PPP1R12B: variants seen among roughly 807,000 people sequenced by gnomAD.
PPP1R12B encodes the protein myosin phosphatase target subunit 2.
In PPP1R12B, 76 loss-of-function variants were observed where a neutral mutation model predicts 126.1. The ratio of observed to expected loss-of-function variants is 0.60; its 90% CI spans 0.50 to 0.73. PPP1R12B has a LOEUF of 0.73. Among genes scored for constraint, PPP1R12B ranks in the 30% least tolerant of loss-of-function variants. The pLI is 0.00. For missense variants in PPP1R12B, 1,052 were observed against 1,205.1 expected, an observed-to-expected ratio of 0.87 and a Z score of 1.88; for synonymous variants, 356 against 434.7, an observed-to-expected ratio of 0.82 and a Z score of 2.25.
rs1679408889 is a variant in PPP1R12B, at chr1:202,495,319, A to G, written c.2172A>G (p.Pro724=). Residue 724 remains proline (P), a synonymous_variant, in exon 16 of 24, where the codon CCA becomes CCG. Coordinates refer to ENST00000608999, the MANE Select transcript of PPP1R12B (RefSeq NM_002481.4). ...CTATCTGTCATCGCCTGAGGTGCCC[A>G]GCTCAGCCAGACAAACCCACCACGC... ...EEPICHRLRC[P]AQPDKPTTPA... 7 of 1,577,514 alleles carry G rather than the reference A, an allele frequency of 4.4e-6. No homozygotes were observed. The highest frequency in any genetic ancestry group is 6.0e-6 in the Non-Finnish European group (7 of 1,164,708).
At chr1:202,366,695 T>A (rs1659301327) in intron 1 of PPP1R12B, among the ~76,000 whole-genome samples, 1 of 152,130 alleles carries the variant, frequency 6.6e-6, no homozygotes, top group Non-Finnish European at 1.5e-5. Context: ...CCAGATGTAT[T>A]AATAATGATG....
chr1:202,515,227 A>G (rs901696115), intron 18 of PPP1R12B, among the ~76,000 whole-genome samples: 13 of 152,188 alleles, frequency 8.5e-5, no homozygotes, highest in African/African-American at 2.7e-4. Flanking sequence ...AATCTATGCA[A>G]CAAACCCCTG....
intron 1 of PPP1R12B, among the ~76,000 whole-genome samples, chr1:202,384,764 T>C (rs934641675): frequency 3.3e-5 from 5 of 152,248 alleles, no homozygotes; most frequent in African/African-American, 1.2e-4. Flanking sequence ...ATAGTGCTAC[T>C]GTGAGCATTC....
At chr1:202,527,806 AAAG>A (rs1683504746) in intron 18 of PPP1R12B, among the ~76,000 whole-genome samples, 1 of 137,226 alleles carries the variant, frequency 7.3e-6, no homozygotes, top group Non-Finnish European at 1.6e-5. Flanking sequence ...CAGAAAATAA[AAAG>A]AAGGAAGCGA....
At chr1:202,454,849 G>C (rs983148832) in intron 13 of PPP1R12B, among the ~76,000 whole-genome samples, 2 of 152,012 alleles carry the variant, frequency 1.3e-5, no homozygotes, top group Non-Finnish European at 2.9e-5. Context: ...TTGAGCCCCG[G>C]AGTTTGAGGC....
chr1:202,365,198 C>G (rs1658990033), intron 1 of PPP1R12B, among the ~76,000 whole-genome samples: 1 of 151,942 alleles, frequency 6.6e-6, no homozygotes, highest in Admixed American at 6.6e-5. Flanking sequence ...GCTTGTAATT[C>G]CAGCACCTTG....
At chr1:202,545,461 G>A (rs1212074072) in intron 18 of PPP1R12B, among the ~76,000 whole-genome samples, 1 of 152,214 alleles carries the variant, frequency 6.6e-6, no homozygotes, top group East Asian at 1.9e-4. Flanking sequence ...CCTGCAAGCG[G>A]TGTCCTGCCC....
At chr1:202,562,634 T>C (rs1687642763) in intron 19 of PPP1R12B, 144 bp from the exon 20 acceptor site, 1 of 961,074 alleles carries the variant, frequency 1.0e-6, no homozygotes, top group East Asian at 2.4e-5. Flanking sequence ...GGCAGAGAGA[T>C]TGAAGGAAAG....
chr1:202,509,203 T>C (rs1266619211), intron 18 of PPP1R12B, among the ~76,000 whole-genome samples: 1 of 84,148 alleles, frequency 1.2e-5, no homozygotes, highest in Non-Finnish European at 2.6e-5. Flanking sequence ...ATTGTGCCAA[T>C]TCCCGATTCT....
At chr1:202,509,298 AT>A (rs1318611730) in intron 18 of PPP1R12B, among the ~76,000 whole-genome samples, 1 of 152,258 alleles carries the variant, frequency 6.6e-6, no homozygotes, top group African/African-American at 2.4e-5. Flanking sequence ...AGTTTTGGTC[AT>A]GCAGCAGGAA....
chr1:202,506,754 T>A lies in PPP1R12B; in HGVS notation c.2490+9932T>A, dbSNP rs550437666. Among the ~76,000 whole-genome samples, 13 of 152,198 alleles carry A rather than the reference T, an allele frequency of 8.5e-5. No homozygotes were observed. The East Asian group carries it at 2.5e-3, about 29-fold the overall frequency. ...AGCTTAAAACTCTGCTGGAGCTTTT[T>A]AAAAAAAATGTTTATAAAAGATAGT... On this transcript the variant is annotated intron_variant, in intron 18 of 23. Transcript: ENST00000608999.
Position 202,585,829 on chromosome 1 carries a change from A to C in PPP1R12B, c.*5269A>C, listed in dbSNP as rs760227872. On this transcript the variant is annotated 3_prime_UTR_variant, in exon 24 of 24. Coordinates refer to ENST00000608999, the MANE Select transcript of PPP1R12B (RefSeq NM_002481.4). ...GGAGCTCATGGAGAAATGGATAGAAAGCAATTTGTTGCAGGCAGCCTTTGG... is the reference window on the plus strand; with the variant it reads ...GGAGCTCATGGAGAAATGGATAGAACGCAATTTGTTGCAGGCAGCCTTTGG... The C allele has an allele frequency of 1.4e-4, 22 of 152,242 alleles. No homozygotes were observed. Among genetic ancestry groups the C allele is most frequent in the Non-Finnish European group, 2.6e-4 (18 of 68,048 alleles). The allele number at this position is 152,242 out of a possible 1,614,324, so 9.4% of individuals were successfully genotyped here.
rs1689851755 is a variant in PPP1R12B, at chr1:202,586,963, T to A, written c.*6403T>A. On this transcript the variant is annotated 3_prime_UTR_variant, in exon 24 of 24. Coordinates refer to ENST00000608999, the MANE Select transcript of PPP1R12B (RefSeq NM_002481.4). ...GGTCTGGCATATACTTGATTACAAA[T>A]GAAAACTCAGAAACCAATTTTATTT... 1 of 152,232 alleles carries A rather than the reference T, an allele frequency of 6.6e-6. No individual in the cohort carries two copies. Among genetic ancestry groups the A allele is most frequent in the Non-Finnish European group, 1.5e-5 (1 of 68,028 alleles). The allele number at this position is 152,232 out of a possible 1,614,324, so 9.4% of individuals were successfully genotyped here.
intron 14 of PPP1R12B, 40 bp downstream of exon 14, chr1:202,488,663 A>G (rs1475688379): frequency 6.8e-7 from 1 of 1,475,344 alleles, no homozygotes; most frequent in South Asian, 1.2e-5. Context: ...TTGTGTATCT[A>G]CCCTTCTGTT....
At chr1:202,529,086 G>A (rs1683657239) in intron 18 of PPP1R12B, among the ~76,000 whole-genome samples, 1 of 152,142 alleles carries the variant, frequency 6.6e-6, no homozygotes, top group South Asian at 2.1e-4. Flanking sequence ...GGTAAACCTA[G>A]TAGTACAATG....
chr1:202,580,375 T>C, intron 23 of PPP1R12B, 99 bp from the exon 24 acceptor site: 1 of 828,716 alleles, frequency 1.2e-6, no homozygotes, highest in Non-Finnish European at 2.1e-6. Flanking sequence ...ACACATTGTC[T>C]CAAAAGGCCC....
Position 202,357,003 on chromosome 1 carries a change from G to A in PPP1R12B, c.291+7861G>A, listed in dbSNP as rs373215631. On this transcript the variant is annotated intron_variant, in intron 1 of 23. Coordinates refer to ENST00000608999, the MANE Select transcript of PPP1R12B (RefSeq NM_002481.4). ...CAACCAGCTAATTTTTGTATTTTTA[G>A]TAGAGACGTGGTTTTGCCTTGTTGG... Among the ~76,000 whole-genome samples the A allele has an allele frequency of 4.6e-5, 7 of 151,946 alleles. No homozygotes were observed. The East Asian group carries it at 7.7e-4, about 17-fold the overall frequency.
In PPP1R12B at chr1:202,493,094, A is replaced by G. The variant is rs1558296286; in HGVS notation, c.1942-20A>G. On this transcript the variant is annotated intron_variant, in intron 14 of 23. Coordinates refer to ENST00000608999, the MANE Select transcript of PPP1R12B (RefSeq NM_002481.4). ...CCATGGTTAGTGTGAAACAGCCCTG[A>G]TCTTGTGATATTTTCCCAGGGTGTC... 2 of 1,606,770 alleles carry G rather than the reference A, an allele frequency of 1.2e-6. No homozygotes were observed. Among genetic ancestry groups the G allele is most frequent in the Admixed American group, 3.3e-5 (2 of 59,990 alleles).
chr1:202,396,156 TTTTAACAAGTGC>T (rs1244279096), intron 1 of PPP1R12B, among the ~76,000 whole-genome samples: 7 of 152,202 alleles, frequency 4.6e-5, no homozygotes, highest in Non-Finnish European at 1.0e-4. Context: ...AAAAAAACCC[TTTTAACAAGTGC>T]TTTAACATGA....
Sources: gnomAD v4.1 joint callset for allele counts (sites outside exome capture counted in the v4.1 genomes callset) on GRCh38, gnomAD v4.1.1 for gene constraint, MANE v1.5 for transcripts, NCBI Gene and HGNC (gene_info 2026-07-23, HGNC 2026-07-21) for gene names.